The following TOM1L2 variants were observed in gnomAD, a reference collection of about 807,000 sequenced individuals.
TOM1L2 encodes the protein target of myb1 like 2 membrane trafficking protein.
In TOM1L2, 31 loss-of-function variants were observed where a neutral mutation model predicts 67.9. That is an observed-to-expected ratio of 0.46 (90% CI 0.34 to 0.62). TOM1L2 has a LOEUF of 0.62. Ranked by LOEUF, TOM1L2 falls within the 20% of genes least tolerant of loss-of-function variation. The pLI is 0.01. For synonymous variants in TOM1L2, 256 were observed against 254.0 expected (o/e 1.01, Z -0.07); for missense variants, 606 against 663.5 (o/e 0.91, Z 0.95).
At chr17:17,902,328 G>A (rs2038893613) in intron 2 of TOM1L2, among the ~76,000 whole-genome samples, 1 of 152,192 alleles carries the variant, frequency 6.6e-6, no homozygotes, top group East Asian at 1.9e-4. Flanking sequence ...AAAGCCCAAG[G>A]AGAGGCCTTT....
At chr17:17,912,609 T>C (rs377296337) in intron 1 of TOM1L2, among the ~76,000 whole-genome samples, 10 of 138,586 alleles carry the variant, frequency 7.2e-5, no homozygotes, top group Admixed American at 5.0e-4. Context: ...AGAGACGCTC[T>C]TCACTTCCTA....
At chr17:17,867,131 CAG>C (rs1043421297) in intron 8 of TOM1L2, among the ~76,000 whole-genome samples, 7 of 152,136 alleles carry the variant, frequency 4.6e-5, no homozygotes, top group Non-Finnish European at 1.0e-4. Flanking sequence ...ACCCAGCACC[CAG>C]AGTGGGCATC....
At chr17:17,918,847 C>T (rs1445671467) in intron 1 of TOM1L2, among the ~76,000 whole-genome samples, 1 of 152,176 alleles carries the variant, frequency 6.6e-6, no homozygotes, top group Admixed American at 6.5e-5. Context: ...CCAACCTAAA[C>T]TGGAAGCTGC....
Position 17,847,722 on chromosome 17 carries a change from C to T in TOM1L2, c.1437G>A (p.Ser479=), listed in dbSNP as rs772504166. 2.0e-5 allele frequency: 33 copies of T among 1,613,796 alleles called. No homozygotes were observed. The highest frequency in any genetic ancestry group is 1.6e-4 in the Middle Eastern group (1 of 6,082). ...CTGGGGCAGGAGCCTCCATGGGGGG[C>T]GAGGGGAGGTCGGGAACCATTTCAG... ...KAAEMVPDLP[S]PPMEAPAPAS... is the part of the protein sequence containing the mutation. The change falls in exon 15 of 15, where the codon TCG becomes TCA. Residue 479 remains serine (S), a synonymous_variant. Transcript: ENST00000379504.
intron 6 of TOM1L2, among the ~76,000 whole-genome samples, chr17:17,882,092 G>A (rs1955195456): frequency 6.6e-6 from 1 of 152,160 alleles, no homozygotes; most frequent in South Asian, 2.1e-4. Flanking sequence ...AGTTTATCAG[G>A]AAGTAACCCG....
At position 17,847,560 on chromosome 17, in the gene TOM1L2, A is replaced by G; in HGVS notation, c.*75T>C. The G allele has an allele frequency of 6.6e-7, 1 of 1,523,924 alleles. No homozygotes were observed. The highest frequency in any genetic ancestry group is 8.8e-7 in the Non-Finnish European group (1 of 1,137,966). The allele number at this position is 1,523,924 out of a possible 1,614,324, so 94.4% of individuals were successfully genotyped here. A position where few individuals can be genotyped will look rare whatever the true frequency, so the allele number is the denominator to read the frequency against. ...GCAGGCCGTGTGGAGCTGGGGATGT[A>G]GGAGTGGCCAGTGCCCGGTGTCCAC... On this transcript the variant is annotated 3_prime_UTR_variant, in exon 15 of 15. Coordinates refer to ENST00000379504, the MANE Select transcript of TOM1L2 (RefSeq NM_001082968.2).
chr17:17,864,416 T>TAG (rs2036730520), intron 10 of TOM1L2, among the ~76,000 whole-genome samples: 1 of 150,976 alleles, frequency 6.6e-6, no homozygotes, highest in South Asian at 2.1e-4. Context: ...TTCACCGTGC[T>TAG]AGCCAGGATG....
chr17:17,864,490 G>A (rs901551221), intron 10 of TOM1L2, among the ~76,000 whole-genome samples: 5 of 151,108 alleles, frequency 3.3e-5, no homozygotes, highest in African/African-American at 1.2e-4. Context: ...GATTACAGGC[G>A]TTAGCCACCG....
chr17:17,867,658 C>T (rs534468884), intron 8 of TOM1L2, among the ~76,000 whole-genome samples: 13 of 152,286 alleles, frequency 8.5e-5, no homozygotes, highest in East Asian at 5.8e-4. Context: ...CCATGGGCAG[C>T]GGTAGCTAAG....
Position 17,902,761 on chromosome 17 carries a change from A to G in TOM1L2, c.138-4087T>C, listed in dbSNP as rs374785028. 1.5e-4 allele frequency among the ~76,000 whole-genome samples: 23 copies of G among 152,392 alleles called. No homozygotes were observed. In the East Asian group the frequency reaches 3.1e-3, roughly 20 times the overall value. On this transcript the variant is annotated intron_variant, in intron 2 of 14. Transcript: ENST00000379504. ...ATGACAAAAGTCATGGGCAATGGAA[A>G]TCTTTAAAGTGAAATAGTACATCCA...
chr17:17,909,213 T>C (rs2039233270), intron 1 of TOM1L2, among the ~76,000 whole-genome samples: 1 of 151,786 alleles, frequency 6.6e-6, no homozygotes, highest in South Asian at 2.1e-4. Context: ...ACAAAAAACA[T>C]AGCATTACCC....
intron 7 of TOM1L2, among the ~76,000 whole-genome samples, chr17:17,877,503 T>C (rs895259635): frequency 5.3e-5 from 8 of 152,182 alleles, no homozygotes; most frequent in East Asian, 1.9e-4. Flanking sequence ...ACATGGAAGG[T>C]TGGCTGTTCA....
chr17:17,881,787 C>T (rs563997354), intron 6 of TOM1L2, among the ~76,000 whole-genome samples: 1 of 152,310 alleles, frequency 6.6e-6, no homozygotes, highest in South Asian at 2.1e-4. Flanking sequence ...CACCGTACTC[C>T]CTGCTCAGAG....
At chr17:17,882,011 G>A (rs1321705906) in intron 6 of TOM1L2, among the ~76,000 whole-genome samples, 1 of 152,084 alleles carries the variant, frequency 6.6e-6, no homozygotes, top group African/African-American at 2.4e-5. Context: ...ACTAATTGAA[G>A]TTCTATGGAT....
chr17:17,875,785 G>C (rs2037395439), intron 7 of TOM1L2, among the ~76,000 whole-genome samples: 4 of 152,210 alleles, frequency 2.6e-5, no homozygotes, highest in African/African-American at 9.7e-5. Context: ...AAGTTTGAAG[G>C]AACACGGAAT....
At chr17:17,935,714 T>C (rs947136640) in intron 1 of TOM1L2, among the ~76,000 whole-genome samples, 1 of 152,126 alleles carries the variant, frequency 6.6e-6, no homozygotes, top group African/African-American at 2.4e-5. Flanking sequence ...AGTCCACCAA[T>C]GATGCCATCA....
chr17:17,855,975 A>C (rs1478601519), intron 12 of TOM1L2, among the ~76,000 whole-genome samples: 3 of 147,926 alleles, frequency 2.0e-5, no homozygotes, highest in Non-Finnish European at 4.5e-5. Flanking sequence ...AAAAAAAAAA[A>C]CAAACTGCAG....
At chr17:17,942,259 T>C (rs1393245223) in intron 1 of TOM1L2, among the ~76,000 whole-genome samples, 1 of 152,146 alleles carries the variant, frequency 6.6e-6, no homozygotes, top group Non-Finnish European at 1.5e-5. Flanking sequence ...ATGTTCTTTT[T>C]CACAAGGCCA....
At chr17:17,870,894 A>T (rs1040560867) in intron 7 of TOM1L2, among the ~76,000 whole-genome samples, 1 of 152,212 alleles carries the variant, frequency 6.6e-6, no homozygotes, top group Non-Finnish European at 1.5e-5. Context: ...AATCAAAGGC[A>T]TCCCCCCTGC....
Sources: gnomAD v4.1 joint callset for allele counts (sites outside exome capture counted in the v4.1 genomes callset) on GRCh38, gnomAD v4.1.1 for gene constraint, MANE v1.5 for transcripts, NCBI Gene and HGNC (gene_info 2026-07-23, HGNC 2026-07-21) for gene names.